ATP8B1: variants seen among roughly 807,000 people sequenced by gnomAD.
ATP8B1 encodes the protein ATPase phospholipid transporting 8B1, also known as phospholipid-transporting ATPase IC.
Under a neutral mutation model 149.9 loss-of-function variants are expected in ATP8B1, and 80 were observed. The ratio of observed to expected loss-of-function variants is 0.53; its 90% CI spans 0.45 to 0.64. ATP8B1 has a LOEUF of 0.64. ATP8B1 is among the 30% of genes least tolerant of loss of function. The pLI, the probability that ATP8B1 is intolerant of heterozygous loss-of-function variation, is 0.00. For synonymous variants in ATP8B1, 536 were observed against 562.8 expected (o/e 0.95, Z 0.67); for missense variants, 1,247 against 1,552.6 (o/e 0.80, Z 3.31).
chr18:57,802,844 G>C lies in ATP8B1; in HGVS notation c.-26+154C>G, dbSNP rs1339287379. Among the ~76,000 whole-genome samples, 1 of 152,232 alleles carries C rather than the reference G, an allele frequency of 6.6e-6. No individual in the cohort carries two copies. Among genetic ancestry groups the C allele is most frequent in the Non-Finnish European group, 1.5e-5 (1 of 68,036 alleles). On this transcript the variant is annotated intron_variant, in intron 1 of 27. Transcript: ENST00000648908. This position sits in a 1 kb window ranked among gnomAD's most constrained non-coding sequence, Gnocchi z 4.9. ...CAGCACCTCCACCCAAATCCCACCT[G>C]TGCGGGCTCGGGAGTCCGAGGGCGC... is the stretch of plus-strand genomic sequence containing the variant.
chr18:57,748,316 G>A (rs2079984209), intron 1 of ATP8B1, among the ~76,000 whole-genome samples: 11 of 152,162 alleles, frequency 7.2e-5, no homozygotes, highest in Admixed American at 7.2e-4. Flanking sequence ...GGACATATAA[G>A]GGGTAACCAG....
chr18:57,743,140 C>A (rs150619026), intron 1 of ATP8B1, among the ~76,000 whole-genome samples: 1 of 152,302 alleles, frequency 6.6e-6, no homozygotes, highest in African/African-American at 2.4e-5. Flanking sequence ...AATGTCATTA[C>A]CTTCTTACTA....
At chr18:57,691,670 A>G in intron 12 of ATP8B1, 137 bp downstream of exon 12, 1 of 1,159,016 alleles carries the variant, frequency 8.6e-7, no homozygotes, top group Non-Finnish European at 1.2e-6. Context: ...TCTTACCCTC[A>G]ATTCTGAAAT....
At chr18:57,729,552 T>TTTTTTTC (rs2079740243) in intron 2 of ATP8B1, among the ~76,000 whole-genome samples, 1 of 22,486 alleles carries the variant, frequency 4.4e-5, no homozygotes, top group Non-Finnish European at 1.1e-4. Flanking sequence ...TTTCTTTCTT[T>TTTTTTTC]TTTTTTTTTT....
rs1912713223 is a variant in ATP8B1 at position 57,694,660 on chromosome 18, A to G, written c.951T>C (p.Thr317=). The change falls in exon 11 of 28, where the codon ACT becomes ACC. Residue 317 remains threonine (T), a synonymous_variant. Coordinates refer to ENST00000648908, the MANE Select transcript of ATP8B1 (RefSeq NM_001374385.1). The part of the protein sequence containing the change: ...HGLVIFAGAD[T]KIMKNSGKTR... ...TTTTCCCACTATTCTTCATTATTTT[A>G]GTGTCAGCACCTGAAAATGGAAAAT... The G allele has an allele frequency of 6.3e-7, 1 of 1,587,082 alleles. No homozygotes were observed. Among genetic ancestry groups the G allele is most frequent in the Admixed American group, 1.7e-5 (1 of 59,854 alleles).
intron 2 of ATP8B1, among the ~76,000 whole-genome samples, chr18:57,725,845 T>C (rs2079700616): frequency 6.6e-6 from 1 of 152,236 alleles, no homozygotes; most frequent in Admixed American, 6.5e-5. Flanking sequence ...TGAATGAAAG[T>C]AGACCCCATC....
At chr18:57,683,931 A>G (rs1958649453) in intron 15 of ATP8B1, 105 bp downstream of exon 15, 1 of 1,399,718 alleles carries the variant, frequency 7.1e-7, no homozygotes, top group Non-Finnish European at 1.0e-6. Flanking sequence ...TTCTAATATG[A>G]GACAGATTTG....
chr18:57,650,443 G>A lies in ATP8B1; in HGVS notation c.3455C>T (p.Ala1152Val), dbSNP rs2122546183. Residue 1152 changes from alanine (A) to valine (V), a missense_variant, in exon 27 of 28, where the codon GCT (alanine) becomes GTT (valine). Ala to Val is a moderately conservative substitution (Grantham distance 64, BLOSUM62 0). Around this residue, in one of 3 missense-constraint regions of ATP8B1, gnomAD observed 164 missense variants for 160.3 expected, o/e 1.02. Coordinates refer to ENST00000648908, the MANE Select transcript of ATP8B1 (RefSeq NM_001374385.1). ...GACGGGTAGTAAGCACACAGCAACA[G>A]CCAGGATGATAGTTAACCAAATGTA... ...QPYIWLTIIL[A>V]VAVCLLPVVA... is the part of the protein sequence containing the mutation. 1 of 1,614,052 alleles carries A rather than the reference G, an allele frequency of 6.2e-7. No individual in the cohort carries two copies. The highest frequency in any genetic ancestry group is 2.2e-5 in the East Asian group (1 of 44,886).
At chr18:57,743,395 A>G (rs1168226416) in intron 1 of ATP8B1, among the ~76,000 whole-genome samples, 1 of 152,218 alleles carries the variant, frequency 6.6e-6, no homozygotes, top group African/African-American at 2.4e-5. Flanking sequence ...AACCCTAAGC[A>G]AAGGAAGAAT....
intron 10 of ATP8B1, 149 bp downstream of exon 10, chr18:57,695,022 T>G: frequency 1.3e-6 from 1 of 768,952 alleles, no homozygotes. Flanking sequence ...AGAGTGAGAC[T>G]CTGTCTCAAA....
At chr18:57,727,657 C>T (rs1451385914) in intron 2 of ATP8B1, among the ~76,000 whole-genome samples, 1 of 152,028 alleles carries the variant, frequency 6.6e-6, no homozygotes, top group Non-Finnish European at 1.5e-5. Context: ...GGCGTGGTAG[C>T]ATACGCCTGT....
At chr18:57,774,139 G>C (rs1214751264) in intron 1 of ATP8B1, among the ~76,000 whole-genome samples, 3 of 152,188 alleles carry the variant, frequency 2.0e-5, no homozygotes, top group Admixed American at 2.0e-4. Context: ...TACCTGGAAT[G>C]CTCTTCCCCC....
intron 1 of ATP8B1, among the ~76,000 whole-genome samples, chr18:57,756,371 G>A (rs28734005): frequency 0.23 from 33,334 of 142,050 alleles, 4,308 homozygotes; most frequent in African/African-American, 0.34. Context: ...CATGGTCTTG[G>A]CTTACTGCAA....
chr18:57,707,476 C>T (rs778664913), intron 2 of ATP8B1, among the ~76,000 whole-genome samples: 5 of 152,062 alleles, frequency 3.3e-5, no homozygotes, highest in African/African-American at 4.8e-5. Flanking sequence ...GAGTGTGGCA[C>T]AACTATTTTT....
At chr18:57,726,232 AAAAC>A (rs1247681862) in intron 2 of ATP8B1, among the ~76,000 whole-genome samples, 1 of 152,170 alleles carries the variant, frequency 6.6e-6, no homozygotes, top group Admixed American at 6.5e-5. Context: ...GCCTCAAACA[AAAAC>A]AAACAACAAC....
intron 2 of ATP8B1, among the ~76,000 whole-genome samples, chr18:57,726,970 C>T (rs1299041881): frequency 1.3e-5 from 2 of 152,186 alleles, no homozygotes; most frequent in East Asian, 3.8e-4. Flanking sequence ...ATCCCAGCTA[C>T]TCGGGAGGCT....
At chr18:57,667,307 T>C in intron 19 of ATP8B1, 140 bp from the exon 20 acceptor site, 1 of 696,720 alleles carries the variant, frequency 1.4e-6, no homozygotes, top group East Asian at 2.8e-5. Context: ...AGCCTCAACC[T>C]CCAGGATTCA....
At chr18:57,723,856 A>C (rs1217981642) in intron 2 of ATP8B1, among the ~76,000 whole-genome samples, 1 of 149,508 alleles carries the variant, frequency 6.7e-6, no homozygotes, top group Non-Finnish European at 1.5e-5. Context: ...ACTATACTAC[A>C]AGGCTACAGT....
chr18:57,779,327 G>GGAA (rs1186158613), intron 1 of ATP8B1, among the ~76,000 whole-genome samples: 2 of 149,506 alleles, frequency 1.3e-5, no homozygotes, highest in Non-Finnish European at 3.0e-5. Context: ...AAAAAAAAAA[G>GGAA]GAAGAAGAAG....
Sources: gnomAD v4.1 joint callset for allele counts (sites outside exome capture counted in the v4.1 genomes callset) on GRCh38, gnomAD v4.1.1 for gene constraint, gnomAD v4.1.1 regional missense constraint, Gnocchi (gnomAD v3.1) non-coding constraint, MANE v1.5 for transcripts, NCBI Gene and HGNC (gene_info 2026-07-23, HGNC 2026-07-21) for gene names.